The following MYO1E variants were observed in gnomAD, a reference collection of about 807,000 sequenced individuals.
MYO1E encodes myosin IE.
Under a neutral mutation model 151.1 loss-of-function variants are expected in MYO1E, and 68 were observed. The observed-to-expected ratio is 0.45, with a 90% confidence interval of 0.37 to 0.55. MYO1E has a LOEUF of 0.55. Ranked by LOEUF, MYO1E falls within the 20% of genes least tolerant of loss-of-function variation. MYO1E has a pLI of 0.00. For missense variants in MYO1E, 1,363 were observed against 1,389.3 expected (o/e 0.98, Z 0.30); for synonymous variants, 601 against 501.7 (o/e 1.20, Z -2.64).
chr15:59,356,075 C>T (rs574727082), intron 1 of MYO1E, among the ~76,000 whole-genome samples: 42 of 152,314 alleles, frequency 2.8e-4, no homozygotes, highest in African/African-American at 9.6e-4. Flanking sequence ...ACATATACAA[C>T]AGATTCTGTT....
chr15:59,201,131 AGGGTCTCGTTCT>A (rs1281265831), intron 16 of MYO1E, among the ~76,000 whole-genome samples: 1 of 148,538 alleles, frequency 6.7e-6, no homozygotes, highest in African/African-American at 2.5e-5. Flanking sequence ...TTTTGGAGAC[AGGGTCTCGTTCT>A]GTCCCCCAGG....
intron 16 of MYO1E, among the ~76,000 whole-genome samples, chr15:59,196,906 CT>C (rs1198006610): frequency 7.6e-5 from 11 of 145,448 alleles, no homozygotes; most frequent in African/African-American, 2.5e-4. Flanking sequence ...TATAGCACAG[CT>C]TTTTTTTGTT....
intron 22 of MYO1E, among the ~76,000 whole-genome samples, chr15:59,168,870 C>T (rs1596349448): frequency 6.6e-6 from 1 of 152,174 alleles, no homozygotes; most frequent in Non-Finnish European, 1.5e-5. Context: ...GAGCCTCCTG[C>T]CTTGGTCTCC....
intron 9 of MYO1E, among the ~76,000 whole-genome samples, chr15:59,220,350 G>A (rs1486049453): frequency 6.6e-6 from 1 of 152,234 alleles, no homozygotes; most frequent in Admixed American, 6.5e-5. Flanking sequence ...TTGGGAGGCT[G>A]AGACAGGAGA....
chr15:59,271,337 C>A (rs896187429), intron 2 of MYO1E, among the ~76,000 whole-genome samples: 1 of 152,196 alleles, frequency 6.6e-6, no homozygotes, highest in Non-Finnish European at 1.5e-5. Context: ...TATATTACAT[C>A]AGAAGCAAAG....
chr15:59,156,133 A>T (rs1445080075), intron 25 of MYO1E, among the ~76,000 whole-genome samples: 2 of 152,168 alleles, frequency 1.3e-5, no homozygotes, highest in African/African-American at 4.8e-5. Flanking sequence ...AGTAGCTGGG[A>T]TTCCAGGCAT....
chr15:59,265,792 TAAA>T (rs59957325), intron 2 of MYO1E, among the ~76,000 whole-genome samples: 16,296 of 105,700 alleles, frequency 0.15, 1,727 homozygotes, highest in East Asian at 0.52. Flanking sequence ...CCCATCTCCT[TAAA>T]AAAAAAAAAA....
rs552316369 is a variant in MYO1E, at chr15:59,327,370, A to T, written c.3+45128T>A. ...GAGATGGGGTCTCACTCTATCACCC[A>T]GGCTGGAGTGCAGTGCCAGCCTCGA... On this transcript the variant is annotated intron_variant, in intron 1 of 27. Coordinates refer to ENST00000288235, the MANE Select transcript of MYO1E (RefSeq NM_004998.4). Among the ~76,000 whole-genome samples the T allele has an allele frequency of 1.6e-4, 24 of 151,540 alleles. No homozygotes were observed. In the East Asian group the frequency reaches 4.3e-3, roughly 27 times the overall value.
chr15:59,207,129 C>T (rs1391272074), intron 14 of MYO1E: 6 of 1,614,088 alleles, frequency 3.7e-6, no homozygotes, highest in East Asian at 2.2e-5. Flanking sequence ...GTTTCACTTC[C>T]GAGAAGCCCG....
chr15:59,189,757 C>T (rs934800157), intron 17 of MYO1E, among the ~76,000 whole-genome samples: 23 of 152,006 alleles, frequency 1.5e-4, no homozygotes, highest in African/African-American at 4.6e-4. Flanking sequence ...TGTCTTTTTT[C>T]GTAGAGACGG....
intron 4 of MYO1E, among the ~76,000 whole-genome samples, chr15:59,238,053 A>T (rs1490626433): frequency 1.3e-5 from 2 of 152,168 alleles, no homozygotes; most frequent in Admixed American, 1.3e-4. Flanking sequence ...GGTCACATGA[A>T]TAAGAAAACC....
At chr15:59,198,921 T>C (rs1270732043) in intron 16 of MYO1E, among the ~76,000 whole-genome samples, 2 of 152,152 alleles carry the variant, frequency 1.3e-5, no homozygotes, top group East Asian at 1.9e-4. Context: ...TAGCTCCAGC[T>C]GCACTCAGAT....
intron 6 of MYO1E, 114 bp downstream of exon 6, chr15:59,231,588 T>TG: frequency 8.9e-7 from 1 of 1,123,544 alleles, no homozygotes. Context: ...ATCGAAGAGG[T>TG]GGCCTCCTGA....
intron 12 of MYO1E, among the ~76,000 whole-genome samples, chr15:59,211,006 C>G (rs1050789969): frequency 1.3e-5 from 2 of 151,964 alleles, no homozygotes; most frequent in African/African-American, 4.8e-5. Flanking sequence ...TCGAGACCAT[C>G]GTGACCAACA....
At chr15:59,140,990 C>T (rs1333090536) in intron 26 of MYO1E, among the ~76,000 whole-genome samples, 1 of 152,210 alleles carries the variant, frequency 6.6e-6, no homozygotes, top group Non-Finnish European at 1.5e-5. Context: ...TCCCCATTCC[C>T]TGTTCAAGAA....
rs769946340 is a variant in MYO1E, at chr15:59,293,905, T to C, written c.4-21456A>G. ...TAAAAATGCAAAAGTTAGCCAGGCATGGTGGCGCATGCCTGTGGTCCCTGC... is the reference window on the plus strand; with the variant it reads ...TAAAAATGCAAAAGTTAGCCAGGCACGGTGGCGCATGCCTGTGGTCCCTGC... On this transcript the variant is annotated intron_variant, in intron 1 of 27. Coordinates refer to ENST00000288235, the MANE Select transcript of MYO1E (RefSeq NM_004998.4). 2.2e-4 allele frequency among the ~76,000 whole-genome samples: 33 copies of C among 152,244 alleles called. No homozygotes were observed. The South Asian group carries it at 2.9e-3, about 13-fold the overall frequency.
At chr15:59,182,574 G>C (rs1471409294) in intron 18 of MYO1E, among the ~76,000 whole-genome samples, 2 of 152,164 alleles carry the variant, frequency 1.3e-5, no homozygotes, top group African/African-American at 4.8e-5. Flanking sequence ...TTTGACAATA[G>C]AGACAAGGCT....
chr15:59,156,642 T>C (rs564802656), intron 25 of MYO1E, among the ~76,000 whole-genome samples: 45 of 152,328 alleles, frequency 3.0e-4, no homozygotes, highest in African/African-American at 1.1e-3. Context: ...AGAAATGCTT[T>C]TTACTCCTTA....
At chr15:59,255,310 G>A (rs1337403303) in intron 4 of MYO1E, among the ~76,000 whole-genome samples, 1 of 152,096 alleles carries the variant, frequency 6.6e-6, no homozygotes, top group Non-Finnish European at 1.5e-5. Flanking sequence ...TAGAGATGGG[G>A]TTTCGCCATG....
Sources: allele counts gnomAD v4.1 joint callset (sites outside exome capture counted in the v4.1 genomes callset), GRCh38; gene constraint gnomAD v4.1.1; transcripts MANE v1.5; gene names NCBI Gene and HGNC (gene_info 2026-07-23, HGNC 2026-07-21).